The following BASP1 variants were observed in gnomAD, a reference collection of about 807,000 sequenced individuals.
BASP1 encodes the protein brain abundant membrane attached signal protein 1.
In BASP1, 1 loss-of-function variant was observed where a neutral mutation model predicts 2.2. That is an observed-to-expected ratio of 0.46 (90% confidence interval 0.16 to 2.17). The LOEUF (loss-of-function observed/expected upper bound fraction) is 2.17. Among genes scored for constraint, BASP1 ranks in the 30% most tolerant of loss-of-function variants. BASP1 has a pLI of 0.27. For missense variants in BASP1, 352 were observed against 327.2 expected (o/e 1.08, Z -0.58); for synonymous variants, 187 against 154.2 (o/e 1.21, Z -1.58).
intron 1 of BASP1, among the ~76,000 whole-genome samples, chr5:17,267,611 C>T (rs1232842550): frequency 6.6e-6 from 1 of 151,584 alleles, no homozygotes; most frequent in African/African-American, 2.4e-5. Flanking sequence ...CTCCGCCTCC[C>T]GGGTTCAAGC....
At chr5:17,241,377 G>C (rs1739859986) in intron 1 of BASP1, among the ~76,000 whole-genome samples, 1 of 152,190 alleles carries the variant, frequency 6.6e-6, no homozygotes, top group Admixed American at 6.5e-5. Context: ...TGTGATTACA[G>C]GAGTGAACCA....
At chr5:17,233,408 C>T (rs919997732) in intron 1 of BASP1, among the ~76,000 whole-genome samples, 3 of 152,190 alleles carry the variant, frequency 2.0e-5, no homozygotes, top group Admixed American at 2.0e-4. Flanking sequence ...CTTTGTGTTC[C>T]TCCCCTAACA....
intron 1 of BASP1, among the ~76,000 whole-genome samples, chr5:17,270,371 T>A (rs1458859439): frequency 1.3e-5 from 2 of 152,202 alleles, no homozygotes; most frequent in Non-Finnish European, 1.5e-5. Flanking sequence ...AATCTTTGGT[T>A]TTTATCTCTG....
chr5:17,263,750 A>G (rs949518460), intron 1 of BASP1, among the ~76,000 whole-genome samples: 9 of 152,208 alleles, frequency 5.9e-5, no homozygotes, highest in African/African-American at 2.2e-4. Flanking sequence ...AGTTTGTTGC[A>G]TATCTTTATC....
intron 1 of BASP1, among the ~76,000 whole-genome samples, chr5:17,266,671 C>G (rs529609591): frequency 6.6e-6 from 1 of 152,062 alleles, no homozygotes; most frequent in Non-Finnish European, 1.5e-5. Context: ...AAAAATTAGC[C>G]AGGTGTGGTG....
chr5:17,244,705 T>G (rs1414801259), intron 1 of BASP1, among the ~76,000 whole-genome samples: 1 of 151,616 alleles, frequency 6.6e-6, no homozygotes, highest in Non-Finnish European at 1.5e-5. Context: ...TTTTTTTTTT[T>G]TTTTTGAGAC....
chr5:17,217,071 T>TGTGTGAGAGAGAGA (rs1367601986), upstream of BASP1: 1 of 102,048 alleles, frequency 9.8e-6, no homozygotes, highest in African/African-American at 4.3e-5. Flanking sequence ...AGAGAGAGAG[T>TGTGTGAGAGAGAGA]GAGAGAGAGA....
chr5:17,276,567 C>T lies in BASP1; in HGVS notation c.*667C>T, dbSNP rs1338952222. ...TCCTACTTAGCCTACCTAGATTTCT[C>T]ATGACGAGTTAATGCATGTCCGTGG... is the stretch of plus-strand genomic sequence containing the variant. On this transcript the variant is annotated 3_prime_UTR_variant, in exon 2 of 2. Transcript: ENST00000322611. 1 of 159,738 alleles carries T rather than the reference C, an allele frequency of 6.3e-6. No individual in the cohort carries two copies. The highest frequency in any genetic ancestry group is 2.6e-5 in the African/African-American group (1 of 38,846). 9.9% of individuals were successfully genotyped at this position (159,738 alleles called of 1,614,324 possible).
At position 17,275,111 on chromosome 5, in the gene BASP1, C is replaced by A; in HGVS notation, c.-9-97C>A. Reference sequence around the variant, plus strand: ...CACCCCTTTGGGGTGTGCAGTGCAGCAGGCCCAGAACCCCTTGCTTTGCAA... The same window carrying A: ...CACCCCTTTGGGGTGTGCAGTGCAGAAGGCCCAGAACCCCTTGCTTTGCAA... On this transcript the variant is annotated intron_variant, in intron 1 of 1. Transcript: ENST00000322611. The surrounding 1 kb of genome is among the most constrained non-coding windows in gnomAD (Gnocchi z 5.3). The A allele has an allele frequency of 8.9e-7, 1 of 1,128,212 alleles. No homozygotes were observed. The allele number at this position is 1,128,212 out of a possible 1,614,324, so 69.9% of individuals were successfully genotyped here.
intron 1 of BASP1, among the ~76,000 whole-genome samples, chr5:17,273,769 TC>T (rs1740575702): frequency 6.6e-6 from 1 of 152,162 alleles, no homozygotes; most frequent in African/African-American, 2.4e-5. Context: ...ACCAGGTGGT[TC>T]CCCCCTGCTC....
intron 1 of BASP1, among the ~76,000 whole-genome samples, chr5:17,250,465 T>G (rs1337342442): frequency 6.6e-6 from 1 of 152,224 alleles, no homozygotes; most frequent in Non-Finnish European, 1.5e-5. Context: ...GAGAAGTCAA[T>G]GAACAGACTT....
chr5:17,233,250 A>T (rs1739670692), intron 1 of BASP1, among the ~76,000 whole-genome samples: 1 of 152,226 alleles, frequency 6.6e-6, no homozygotes, highest in Non-Finnish European at 1.5e-5. Flanking sequence ...AGATATTCTC[A>T]TACCATCTCT....
chr5:17,224,498 C>G (rs1265890844), intron 1 of BASP1, among the ~76,000 whole-genome samples: 1 of 152,012 alleles, frequency 6.6e-6, no homozygotes, highest in African/African-American at 2.4e-5. Context: ...AATGGGTAGC[C>G]TTTTCACATA....
intron 1 of BASP1, among the ~76,000 whole-genome samples, chr5:17,247,969 T>C (rs1160600946): frequency 9.2e-5 from 14 of 152,108 alleles, no homozygotes; most frequent in Admixed American, 6.5e-4. Flanking sequence ...CACCATGGAG[T>C]TGACTTATGT....
At chr5:17,263,048 C>T (rs1027015214) in intron 1 of BASP1, among the ~76,000 whole-genome samples, 3 of 152,144 alleles carry the variant, frequency 2.0e-5, no homozygotes, top group Middle Eastern at 3.4e-3. Flanking sequence ...GGGGTTTCAC[C>T]GTATTAGCCA....
intron 1 of BASP1, among the ~76,000 whole-genome samples, chr5:17,243,573 G>T (rs1400560721): frequency 6.6e-6 from 1 of 152,128 alleles, no homozygotes; most frequent in African/African-American, 2.4e-5. Flanking sequence ...TCTCCATAAG[G>T]GTTGGCTGTT....
chr5:17,237,971 T>C (rs762524905), intron 1 of BASP1, among the ~76,000 whole-genome samples: 2 of 152,154 alleles, frequency 1.3e-5, no homozygotes, highest in African/African-American at 4.8e-5. Context: ...CAAGCATGTA[T>C]GAAACACAAC....
chr5:17,254,868 C>A (rs1740170991), intron 1 of BASP1, among the ~76,000 whole-genome samples: 1 of 152,158 alleles, frequency 6.6e-6, no homozygotes, highest in South Asian at 2.1e-4. Flanking sequence ...ATCCTTATTG[C>A]AAGAGATCCC....
At chr5:17,256,305 T>G (rs1419357602) in intron 1 of BASP1, among the ~76,000 whole-genome samples, 2 of 152,234 alleles carry the variant, frequency 1.3e-5, no homozygotes, top group African/African-American at 2.4e-5. Context: ...CTGTCAGAAT[T>G]TAGCTCACAG....
Sources: allele counts gnomAD v4.1 joint callset (sites outside exome capture counted in the v4.1 genomes callset), GRCh38; gene constraint gnomAD v4.1.1; non-coding constraint Gnocchi (gnomAD v3.1); transcripts MANE v1.5; gene names NCBI Gene and HGNC (gene_info 2026-07-23, HGNC 2026-07-21).